Variants in CCDC7 observed in about 807,000 individuals in gnomAD.
CCDC7 encodes the protein coiled-coil domain-containing protein 7.
CCDC7 carries 183 observed loss-of-function variants against 196.9 expected under a neutral mutation model. The ratio of observed to expected loss-of-function variants is 0.93; its 90% CI spans 0.82 to 1.05. CCDC7 has a LOEUF of 1.05. CCDC7 is among the 50% of genes least tolerant of loss of function. The pLI is 0.00. For synonymous variants in CCDC7, 525 were observed against 484.6 expected, an observed-to-expected ratio of 1.08 and a Z score of -1.10; for missense variants, 1,540 against 1,482.2, an observed-to-expected ratio of 1.04 and a Z score of -0.64.
At chr10:32,786,682 A>C (rs1237837602) in intron 29 of CCDC7, among the ~76,000 whole-genome samples, 1 of 152,158 alleles carries the variant, frequency 6.6e-6, no homozygotes, top group Non-Finnish European at 1.5e-5. Flanking sequence ...AATTGTTTCA[A>C]CCCAGGGGGC....
At chr10:32,577,727 G>A (rs1254462835) in intron 16 of CCDC7, among the ~76,000 whole-genome samples, 1 of 152,202 alleles carries the variant, frequency 6.6e-6, no homozygotes, top group Non-Finnish European at 1.5e-5. Flanking sequence ...GCCTGTGAGT[G>A]TAGGGCCATA....
In CCDC7 at chr10:32,643,885, T is replaced by G. The variant is rs905426387; in HGVS notation, c.2014+8727T>G. 7.9e-5 allele frequency among the ~76,000 whole-genome samples: 12 copies of G among 151,762 alleles called. No individual in the cohort carries two copies. In the South Asian group the frequency reaches 1.0e-3, roughly 13 times the overall value. Reference sequence around the variant, plus strand: ...TTTGAAAATTAATTTTCAAAATTATTTTGAAAATTAATTGGTCTTTTCAAT... The same window carrying G: ...TTTGAAAATTAATTTTCAAAATTATGTTGAAAATTAATTGGTCTTTTCAAT... On this transcript the variant is annotated intron_variant, in intron 20 of 41. Coordinates refer to ENST00000639629, the Ensembl canonical transcript of CCDC7.
At chr10:32,838,001 C>G (rs1415987662) in intron 33 of CCDC7, among the ~76,000 whole-genome samples, 1 of 151,838 alleles carries the variant, frequency 6.6e-6, no homozygotes, top group Non-Finnish European at 1.5e-5. Flanking sequence ...GTGCAGCACA[C>G]CAACATGGCG....
At chr10:32,445,073 C>T (rs537160492), upstream of CCDC7, among the ~76,000 whole-genome samples, 5 of 152,212 alleles carry the variant, frequency 3.3e-5, no homozygotes, top group East Asian at 5.8e-4. Flanking sequence ...AGGCTAGTCT[C>T]GAACTCCTGA....
At chr10:32,525,910 G>A (rs1315979681) in intron 11 of CCDC7, among the ~76,000 whole-genome samples, 1 of 152,142 alleles carries the variant, frequency 6.6e-6, no homozygotes, top group South Asian at 2.1e-4. Flanking sequence ...GGGGTGTGTT[G>A]TGCAAGCACC....
rs141965976 is a variant in CCDC7, at chr10:32,714,052, C to T, written c.2569+2322C>T. On this transcript the variant is annotated intron_variant, in intron 25 of 41. Transcript: ENST00000639629. Reference sequence around the variant, plus strand: ...TACTGTAAGAAGCCCTTTGTTGGTTCTCTAATTTGAACCACTGTGGGAGTT... The same window carrying T: ...TACTGTAAGAAGCCCTTTGTTGGTTTTCTAATTTGAACCACTGTGGGAGTT... 1.9e-3 allele frequency among the ~76,000 whole-genome samples: 296 copies of T among 152,272 alleles called. 3 individuals are homozygous for T. The highest frequency in any genetic ancestry group is 6.8e-3 in the African/African-American group (283 of 41,552).
intron 29 of CCDC7, among the ~76,000 whole-genome samples, chr10:32,788,116 T>G (rs2082138326): frequency 6.6e-6 from 1 of 152,124 alleles, no homozygotes; most frequent in African/African-American, 2.4e-5. Context: ...GACTCAGTCT[T>G]CTGGGCTGCC....
intron 9 of CCDC7, among the ~76,000 whole-genome samples, chr10:32,515,208 T>A (rs902972959): frequency 2.0e-5 from 3 of 152,168 alleles, no homozygotes; most frequent in Non-Finnish European, 2.9e-5. Context: ...CTGACATTTT[T>A]AAAAAACTGA....
Position 32,613,817 on chromosome 10 carries a change from T to C in CCDC7, c.1802-20437T>C, listed in dbSNP as rs376735943. Among the ~76,000 whole-genome samples, 3 of 152,218 alleles carry C rather than the reference T, an allele frequency of 2.0e-5. No individual in the cohort carries two copies. The East Asian group carries it at 5.8e-4, about 29-fold the overall frequency. On this transcript the variant is annotated intron_variant, in intron 18 of 41. Coordinates refer to ENST00000639629, the Ensembl canonical transcript of CCDC7. ...CTGAGGAGTGTTTTACTTCCAATTA[T>C]GTGGTTAGTTTTAGAATAAGTGCAA...
intron 20 of CCDC7, among the ~76,000 whole-genome samples, chr10:32,661,665 A>C (rs988134308): frequency 2.0e-5 from 3 of 152,138 alleles, no homozygotes; most frequent in Non-Finnish European, 4.4e-5. Context: ...TGTGTCTAGA[A>C]GTGTCATCCA....
At chr10:32,814,509 G>A in intron 31 of CCDC7, 56 bp downstream of exon 32, 2 of 1,218,086 alleles carry the variant, frequency 1.6e-6, no homozygotes, top group Non-Finnish European at 2.4e-6. Context: ...ATTCTCTGGA[G>A]TGTAACTAAG....
At chr10:32,488,283 C>T (rs1251034002) in intron 8 of CCDC7, among the ~76,000 whole-genome samples, 1 of 152,218 alleles carries the variant, frequency 6.6e-6, no homozygotes, top group Non-Finnish European at 1.5e-5. Flanking sequence ...ACCCTCCAAG[C>T]CAGGCGCGGG....
chr10:32,809,639 A>G (rs937288892), intron 30 of CCDC7, among the ~76,000 whole-genome samples: 1 of 152,374 alleles, frequency 6.6e-6, no homozygotes, highest in Admixed American at 6.5e-5. Flanking sequence ...GCTCATCATC[A>G]CTGGTCATCA....
intron 25 of CCDC7, among the ~76,000 whole-genome samples, chr10:32,718,707 C>A (rs140659791): frequency 0.089 from 13,548 of 152,136 alleles, 864 homozygotes; most frequent in East Asian, 0.33. Context: ...GCAAAAATCA[C>A]AAGCATTCCT....
chr10:32,547,145 G>T (rs1354246264), intron 13 of CCDC7, among the ~76,000 whole-genome samples: 1 of 151,984 alleles, frequency 6.6e-6, no homozygotes, highest in Admixed American at 6.6e-5. Flanking sequence ...ACCCTCCCAG[G>T]TATCTAGGAC....
rs549348468 is a variant in CCDC7 at position 32,506,989 on chromosome 10, A to G, written c.873-10956A>G. The stretch of plus-strand genomic sequence containing the variant: ...ATGCCTTCTTTTGGTTTTGATTTGC[A>G]TGGAGTATCTTTTTCCATCCCTTCA... On this transcript the variant is annotated intron_variant, in intron 9 of 41. Coordinates refer to ENST00000639629, the Ensembl canonical transcript of CCDC7. 1.4e-4 allele frequency among the ~76,000 whole-genome samples: 21 copies of G among 152,228 alleles called. No individual in the cohort carries two copies. In the South Asian group the frequency reaches 4.1e-3, roughly 30 times the overall value.
Position 32,634,236 on chromosome 10 carries a change from A to C in CCDC7, c.1802-18A>C, listed in dbSNP as rs1166790507. 9.2e-7 allele frequency: 1 copy of C among 1,091,046 alleles called. No individual in the cohort carries two copies. Among genetic ancestry groups the C allele is most frequent in the Non-Finnish European group, 1.2e-6 (1 of 860,104 alleles). The allele number at this position is 1,091,046 out of a possible 1,614,324, so 67.6% of individuals were successfully genotyped here. A position where few individuals can be genotyped will look rare whatever the true frequency, so the allele number is the denominator to read the frequency against. On this transcript the variant is annotated intron_variant, in intron 18 of 41. Coordinates refer to ENST00000639629, the Ensembl canonical transcript of CCDC7. The stretch of plus-strand genomic sequence containing the variant: ...GCTCTTTCTCTATTTGGTAGACTAA[A>C]TGAATCTTTTTATGTAGCTGACAGT...
At chr10:32,606,314 A>G (rs1197748996) in intron 18 of CCDC7, among the ~76,000 whole-genome samples, 1 of 152,250 alleles carries the variant, frequency 6.6e-6, no homozygotes, top group African/African-American at 2.4e-5. Context: ...GAGCCCTCAC[A>G]GAGAACCTCT....
intron 23 of CCDC7, 32 bp downstream of exon 24, chr10:32,689,195 T>A: frequency 7.4e-7 from 1 of 1,352,288 alleles, no homozygotes; most frequent in Non-Finnish European, 1.0e-6. Flanking sequence ...AACTTTAAAT[T>A]ATTTAAAAGT....
Sources: allele counts gnomAD v4.1 joint callset (sites outside exome capture counted in the v4.1 genomes callset), GRCh38; gene constraint gnomAD v4.1.1; transcripts MANE v1.5; gene names NCBI Gene and HGNC (gene_info 2026-07-23, HGNC 2026-07-21).